Variants in DOCK4 observed in about 807,000 individuals in gnomAD.
DOCK4 encodes the protein dedicator of cytokinesis protein 4.
Under a neutral mutation model 268.1 loss-of-function variants are expected in DOCK4, and 97 were observed. The ratio of observed to expected loss-of-function variants is 0.36; its 90% CI spans 0.31 to 0.43. The LOEUF (loss-of-function observed/expected upper bound fraction) is 0.43. DOCK4 is among the 20% of genes least tolerant of loss of function. DOCK4 has a pLI of 1.00. For synonymous variants in DOCK4, 954 were observed against 887.2 expected, an observed-to-expected ratio of 1.08 and a Z score of -1.34; for missense variants, 2,145 against 2,455.7, an observed-to-expected ratio of 0.87 and a Z score of 2.67.
intron 1 of DOCK4, among the ~76,000 whole-genome samples, chr7:112,042,365 T>C (rs1425784052): frequency 2.6e-5 from 4 of 152,164 alleles, no homozygotes; most frequent in African/African-American, 9.7e-5. Flanking sequence ...GAAGATCATC[T>C]TGAAAGTGTG....
chr7:111,758,545 A>C, intron 41 of DOCK4, 79 bp downstream of exon 41: 1 of 1,484,060 alleles, frequency 6.7e-7, no homozygotes, highest in Non-Finnish European at 9.3e-7. Context: ...TATTCTGAGT[A>C]AATATTTACC....
chr7:111,760,738 T>TTG lies in DOCK4; in HGVS notation c.4021-418_4021-417dup, dbSNP rs3997406. Among the ~76,000 whole-genome samples the TTG allele has an allele frequency of 1.6e-3, 215 of 136,962 alleles. 2 individuals are homozygous for TTG. Among genetic ancestry groups the TTG allele is most frequent in the South Asian group, 4.9e-3 (19 of 3,854 alleles). The allele number at this position is 136,962 out of a possible 152,430, so 89.9% of individuals were successfully genotyped here. On this transcript the variant is annotated intron_variant, in intron 39 of 52. Coordinates refer to ENST00000428084, the MANE Select transcript of DOCK4 (RefSeq NM_001363540.2). Reference sequence around the variant, plus strand: ...GAAAAGTAAATTTGTTGTCTGCTTTTTGTGTGTGTGTGTGTGTGTGTGTGT... The same window carrying TTG: ...GAAAAGTAAATTTGTTGTCTGCTTTTTGTGTGTGTGTGTGTGTGTGTGTGTGT...
At chr7:111,952,917 T>A (rs541187911) in intron 8 of DOCK4, among the ~76,000 whole-genome samples, 1 of 152,194 alleles carries the variant, frequency 6.6e-6, no homozygotes, top group African/African-American at 2.4e-5. Flanking sequence ...GAAAAAGCAG[T>A]CATTTGTCTT....
intron 10 of DOCK4, among the ~76,000 whole-genome samples, chr7:111,941,587 A>G (rs1795197095): frequency 6.6e-6 from 1 of 152,120 alleles, no homozygotes; most frequent in Non-Finnish European, 1.5e-5. Context: ...ACAAAAGGAT[A>G]AGATTTCTGA....
chr7:111,845,210 C>G (rs1012663601), intron 24 of DOCK4, among the ~76,000 whole-genome samples: 2 of 152,226 alleles, frequency 1.3e-5, no homozygotes, highest in East Asian at 3.8e-4. Flanking sequence ...GTCTGCCTCT[C>G]TGAGCCTGAA....
At chr7:111,879,557 T>C (rs1807204847) in intron 16 of DOCK4, among the ~76,000 whole-genome samples, 1 of 152,110 alleles carries the variant, frequency 6.6e-6, no homozygotes, top group Non-Finnish European at 1.5e-5. Context: ...TTGGACAGCA[T>C]TTCTGGACCT....
At chr7:111,918,094 G>A (rs1792768858) in intron 12 of DOCK4, among the ~76,000 whole-genome samples, 1 of 152,086 alleles carries the variant, frequency 6.6e-6, no homozygotes, top group Non-Finnish European at 1.5e-5. Context: ...AAAATAGAAG[G>A]AAAGAAAAAA....
intron 12 of DOCK4, among the ~76,000 whole-genome samples, chr7:111,929,111 T>C (rs962987436): frequency 2.6e-5 from 4 of 152,180 alleles, no homozygotes; most frequent in Non-Finnish European, 5.9e-5. Flanking sequence ...ATGATGTGTA[T>C]AGATGTGTAT....
At chr7:111,983,857 C>T (rs555221010) in intron 7 of DOCK4, among the ~76,000 whole-genome samples, 29 of 102,102 alleles carry the variant, frequency 2.8e-4, no homozygotes, top group Non-Finnish European at 3.9e-4. Context: ...CGCGCGCGCG[C>T]GCGCGCACAC....
intron 8 of DOCK4, among the ~76,000 whole-genome samples, chr7:111,946,834 G>A (rs148884789): frequency 9.1e-4 from 139 of 152,200 alleles, no homozygotes; most frequent in Admixed American, 2.1e-3. Context: ...TGCCTGCTTC[G>A]GCCTCCCGAT....
chr7:112,068,687 C>T (rs565243936), intron 1 of DOCK4, among the ~76,000 whole-genome samples: 2 of 152,166 alleles, frequency 1.3e-5, no homozygotes, highest in African/African-American at 2.4e-5. Flanking sequence ...TCGGCTGCAG[C>T]GAGACTCATC....
intron 15 of DOCK4, 51 bp from the exon 16 acceptor site, chr7:111,895,769 A>G (rs372636092): frequency 1.3e-6 from 2 of 1,536,744 alleles, no homozygotes; most frequent in African/African-American, 1.4e-5. Flanking sequence ...GTTCAGGTAC[A>G]TAGTTTGTCA....
chr7:112,160,940 C>T (rs963533054), intron 1 of DOCK4, among the ~76,000 whole-genome samples: 4 of 152,146 alleles, frequency 2.6e-5, no homozygotes, highest in East Asian at 3.9e-4. Context: ...ATCAAGATCA[C>T]CACTGTGGCC....
Position 111,935,482 on chromosome 7 carries a change from C to CA in DOCK4, c.1066+57dup, listed in dbSNP as rs762024473. ...ATAATTTCCTTCCCAAACAGACAAACAAAAAAAAGGGCTTGGAACGAAAAG... is the reference window on the plus strand; with the variant it reads ...ATAATTTCCTTCCCAAACAGACAAACAAAAAAAAAGGGCTTGGAACGAAAAG... On this transcript the variant is annotated intron_variant, in intron 12 of 52. Transcript: ENST00000428084. 105 of 1,481,130 alleles carry CA rather than the reference C, an allele frequency of 7.1e-5. No individual in the cohort carries two copies. The East Asian group carries it at 1.0e-3, about 15-fold the overall frequency. The allele number at this position is 1,481,130 out of a possible 1,614,324, so 91.7% of individuals were successfully genotyped here.
In DOCK4 at chr7:112,036,763, C is replaced by T. The variant is rs144970779; in HGVS notation, c.38-32632G>A. On this transcript the variant is annotated intron_variant, in intron 1 of 52. Coordinates refer to ENST00000428084, the MANE Select transcript of DOCK4 (RefSeq NM_001363540.2). ...GCAACCTCCACCACCCGGGTTCAAA[C>T]GATTCTCCTGCCTCAGCCTCCCAAG... Among the ~76,000 whole-genome samples the T allele has an allele frequency of 6.1e-3, 923 of 151,194 alleles. 10 individuals are homozygous for T. Among genetic ancestry groups the T allele is most frequent in the Admixed American group, 0.035 (530 of 15,138 alleles).
At chr7:111,983,835 T>TACACACAC (rs1203628305) in intron 7 of DOCK4, among the ~76,000 whole-genome samples, 62 of 113,328 alleles carry the variant, frequency 5.5e-4, no homozygotes, top group African/African-American at 2.1e-3. Context: ...ATTATGTATG[T>TACACACAC]ACACACACAC....
chr7:111,762,757 G>GTTTTTTTTTTTT (rs1797499588), intron 39 of DOCK4, among the ~76,000 whole-genome samples: 4 of 55,010 alleles, frequency 7.3e-5, no homozygotes, highest in Non-Finnish European at 1.1e-4. Flanking sequence ...ATTTTGTTTT[G>GTTTTTTTTTTTT]TTTTCTTTTT....
At position 112,176,854 on chromosome 7, in the gene DOCK4, G is replaced by A. The variant is rs906458727; in HGVS notation, c.37+29248C>T. 2.6e-5 allele frequency among the ~76,000 whole-genome samples: 4 copies of A among 152,182 alleles called. No individual in the cohort carries two copies. In the East Asian group the frequency reaches 5.8e-4, roughly 22 times the overall value. On this transcript the variant is annotated intron_variant, in intron 1 of 52. Coordinates refer to ENST00000428084, the MANE Select transcript of DOCK4 (RefSeq NM_001363540.2). ...ATATAAAAACAAGTTTGGTGGTGGT[G>A]TTGTTTGTGCTTGTTTTTAATGACA...
intron 10 of DOCK4, among the ~76,000 whole-genome samples, chr7:111,942,173 G>A (rs969038603): frequency 1.3e-5 from 2 of 152,122 alleles, no homozygotes; most frequent in South Asian, 2.1e-4. Flanking sequence ...TCAACCAAAA[G>A]TCAAAAGGGA....
Sources: gnomAD v4.1 joint callset for allele counts (sites outside exome capture counted in the v4.1 genomes callset) on GRCh38, gnomAD v4.1.1 for gene constraint, MANE v1.5 for transcripts, NCBI Gene and HGNC (gene_info 2026-07-23, HGNC 2026-07-21) for gene names.